The following LRRFIP2 variants were observed in gnomAD, a reference collection of about 807,000 sequenced individuals.
LRRFIP2 encodes LRR binding FLII interacting protein 2, also known as leucine-rich repeat flightless-interacting protein 2.
Under a neutral mutation model 125.9 loss-of-function variants are expected in LRRFIP2, and 109 were observed. The observed-to-expected ratio is 0.87, with a 90% CI of 0.74 to 1.01. The LOEUF (loss-of-function observed/expected upper bound fraction) is 1.01. LRRFIP2 is among the 50% of genes least tolerant of loss of function. LRRFIP2 has a pLI of 0.00. For missense variants in LRRFIP2, 850 were observed against 862.3 expected, an observed-to-expected ratio of 0.99 and a Z score of 0.18; for synonymous variants, 291 against 293.1, an observed-to-expected ratio of 0.99 and a Z score of 0.07.
At chr3:37,102,697 TC>T (rs2094128138) in intron 15 of LRRFIP2, among the ~76,000 whole-genome samples, 2 of 151,968 alleles carry the variant, frequency 1.3e-5, no homozygotes, top group African/African-American at 4.8e-5. Context: ...AGACAGAGTT[TC>T]ACCACGTTGG....
chr3:37,132,046 A>G (rs2095440671), intron 2 of LRRFIP2, among the ~76,000 whole-genome samples: 3 of 152,134 alleles, frequency 2.0e-5, no homozygotes, highest in Non-Finnish European at 4.4e-5. Flanking sequence ...TGAATTTTAC[A>G]CTGGCCTCCG....
intron 21 of LRRFIP2, among the ~76,000 whole-genome samples, chr3:37,071,314 C>G (rs753645762): frequency 2.6e-5 from 4 of 152,200 alleles, no homozygotes; most frequent in Non-Finnish European, 5.9e-5. Flanking sequence ...ATCGTGTGGG[C>G]TCCAGTGATC....
chr3:37,164,666 A>G (rs2096431714), intron 1 of LRRFIP2, among the ~76,000 whole-genome samples: 1 of 151,632 alleles, frequency 6.6e-6, no homozygotes, highest in Non-Finnish European at 1.5e-5. Context: ...GGTTGCAGTG[A>G]GCCAAGATCA....
At chr3:37,151,417 C>T (rs1346319793) in intron 1 of LRRFIP2, among the ~76,000 whole-genome samples, 1 of 151,812 alleles carries the variant, frequency 6.6e-6, no homozygotes, top group Non-Finnish European at 1.5e-5. Flanking sequence ...TGATATATCC[C>T]AGATACAAAT....
intron 12 of LRRFIP2, among the ~76,000 whole-genome samples, 186 bp from the exon 13 acceptor site, chr3:37,108,315 GAAGAGGA>G (rs1193831694): frequency 6.6e-6 from 1 of 152,198 alleles, no homozygotes; most frequent in African/African-American, 2.4e-5. Flanking sequence ...TAGAGGGAGC[GAAGAGGA>G]AGGGGATGCC....
intron 1 of LRRFIP2, among the ~76,000 whole-genome samples, chr3:37,158,157 G>C (rs1055884793): frequency 2.0e-5 from 3 of 152,144 alleles, no homozygotes; most frequent in African/African-American, 7.2e-5. Flanking sequence ...TCACTTATCC[G>C]TATTTTCTGA....
chr3:37,164,860 G>T (rs2096437567), intron 1 of LRRFIP2, among the ~76,000 whole-genome samples: 1 of 152,082 alleles, frequency 6.6e-6, no homozygotes, highest in Non-Finnish European at 1.5e-5. Context: ...AATGTAGGTG[G>T]GTCCTGTGAC....
intron 27 of LRRFIP2, 106 bp from the exon 28 acceptor site, chr3:37,054,067 C>T: frequency 4.0e-6 from 3 of 753,136 alleles, no homozygotes; most frequent in Non-Finnish European, 7.2e-6. Flanking sequence ...CTGTGATGGC[C>T]TTGCACAGGA....
intron 1 of LRRFIP2, among the ~76,000 whole-genome samples, chr3:37,162,550 A>G (rs141334969): frequency 1.6e-4 from 24 of 152,374 alleles, no homozygotes; most frequent in African/African-American, 4.3e-4. Flanking sequence ...ATTTTCAGAC[A>G]TGAAAGGTCT....
intron 21 of LRRFIP2, chr3:37,066,749 A>G (rs2090241802): frequency 6.1e-6 from 1 of 162,746 alleles, no homozygotes; most frequent in Admixed American, 5.8e-5. Flanking sequence ...TTATTCAAGA[A>G]TACAGTTGAT....
Position 37,115,047 on chromosome 3 carries a change from T to C in LRRFIP2, c.372+7A>G, listed in dbSNP as rs765731655. The C allele has an allele frequency of 6.3e-7, 1 of 1,599,588 alleles. No individual in the cohort carries two copies. The highest frequency in any genetic ancestry group is 1.7e-5 in the Admixed American group (1 of 59,848). ...CCACATATAACACAAAGTCATGTGC[T>C]ACATACTAATGATGAAAGTCTTGAT... On this transcript the variant is annotated splice_region_variant and intron_variant, in intron 7 of 27. Transcript: ENST00000336686.
At chr3:37,088,754 G>A (rs540687991) in intron 18 of LRRFIP2, among the ~76,000 whole-genome samples, 48 of 152,066 alleles carry the variant, frequency 3.2e-4, no homozygotes, top group African/African-American at 1.1e-3. Context: ...CTACGATTGT[G>A]TCACTACACT....
At chr3:37,150,133 G>T (rs1390748663) in intron 1 of LRRFIP2, among the ~76,000 whole-genome samples, 1 of 152,164 alleles carries the variant, frequency 6.6e-6, no homozygotes, top group Non-Finnish European at 1.5e-5. Context: ...AGGTGCTAAA[G>T]GTACGGTGAT....
chr3:37,096,732 A>T, intron 15 of LRRFIP2, 72 bp from the exon 16 acceptor site: 1 of 786,372 alleles, frequency 1.3e-6, no homozygotes, highest in Non-Finnish European at 2.1e-6. Context: ...GAAAAAAGTG[A>T]TCTTGAGTTT....
At chr3:37,159,090 C>A (rs1180217349) in intron 1 of LRRFIP2, among the ~76,000 whole-genome samples, 1 of 152,114 alleles carries the variant, frequency 6.6e-6, no homozygotes, top group Non-Finnish European at 1.5e-5. Context: ...TTTATTTTTA[C>A]ATTTTCTTCT....
At chr3:37,166,240 G>A (rs1414802380) in intron 1 of LRRFIP2, among the ~76,000 whole-genome samples, 5 of 152,044 alleles carry the variant, frequency 3.3e-5, no homozygotes, top group Non-Finnish European at 7.4e-5. Context: ...TGAGGCAGGA[G>A]AATAGCTTGA....
In LRRFIP2 at chr3:37,097,604, T is replaced by A. The variant is rs118100648; in HGVS notation, c.874-944A>T. On this transcript the variant is annotated intron_variant, in intron 15 of 27. Coordinates refer to ENST00000336686, the MANE Select transcript of LRRFIP2 (RefSeq NM_006309.4). ...TATACTAATAGACTTCCCTCATTTATTTTAAACAGCTTCATAGTAGCCTGT... is the reference window on the plus strand; with the variant it reads ...TATACTAATAGACTTCCCTCATTTAATTTAAACAGCTTCATAGTAGCCTGT... 4.9e-4 allele frequency among the ~76,000 whole-genome samples: 75 copies of A among 152,286 alleles called. 2 individuals carry two copies. In the East Asian group the frequency reaches 0.014, roughly 28 times the overall value.
rs182716690 is a variant in LRRFIP2, at chr3:37,163,841, T to A, written c.-56+10698A>T. On this transcript the variant is annotated intron_variant, in intron 1 of 27. Transcript: ENST00000336686. ...CTAATATGTTAAAATAGGCTTGTGA[T>A]TTCCTGGAAGGGAGGGGGTGCCATT... is the stretch of plus-strand genomic sequence containing the variant. Among the ~76,000 whole-genome samples, 81 of 152,296 alleles carry A rather than the reference T, an allele frequency of 5.3e-4. No individual in the cohort carries two copies. The East Asian group carries it at 0.011, about 20-fold the overall frequency.
At position 37,152,529 on chromosome 3, in the gene LRRFIP2, T is replaced by C. The variant is rs921337571; in HGVS notation, c.-55-3491A>G. Among the ~76,000 whole-genome samples, 11 of 152,266 alleles carry C rather than the reference T, an allele frequency of 7.2e-5. No individual in the cohort carries two copies. In the South Asian group the frequency reaches 1.5e-3, roughly 20 times the overall value. Reference sequence around the variant, plus strand: ...CATGATCTTGGCTCACTGCAGTCTTTGCCTCCCGGGTTCAAGTGATTCTCC... The same window carrying C: ...CATGATCTTGGCTCACTGCAGTCTTCGCCTCCCGGGTTCAAGTGATTCTCC... On this transcript the variant is annotated intron_variant, in intron 1 of 27. Coordinates refer to ENST00000336686, the MANE Select transcript of LRRFIP2 (RefSeq NM_006309.4).
Sources: gnomAD v4.1 joint callset for allele counts (sites outside exome capture counted in the v4.1 genomes callset) on GRCh38, gnomAD v4.1.1 for gene constraint, MANE v1.5 for transcripts, NCBI Gene and HGNC (gene_info 2026-07-23, HGNC 2026-07-21) for gene names.